Variants in PTPRM observed in about 807,000 individuals in gnomAD.
PTPRM encodes the protein protein tyrosine phosphatase receptor type M, also known as receptor-type tyrosine-protein phosphatase mu.
A neutral mutation model predicts 186.7 loss-of-function variants in PTPRM; 47 were observed. The observed-to-expected ratio is 0.25, with a 90% confidence interval of 0.20 to 0.32. The LOEUF (loss-of-function observed/expected upper bound fraction) is 0.32. PTPRM is among the 10% of genes least tolerant of loss of function. The probability of loss-of-function intolerance (pLI) is 1.00; values close to 1 mark genes in which losing one functional copy is unlikely to be tolerated. For missense variants in PTPRM, 1,494 were observed against 1,865.0 expected (o/e 0.80, Z 3.66); for synonymous variants, 668 against 674.9 (o/e 0.99, Z 0.16).
chr18:7,718,885 A>G (rs1253754208), intron 1 of PTPRM, among the ~76,000 whole-genome samples: 1 of 152,220 alleles, frequency 6.6e-6, no homozygotes, highest in Non-Finnish European at 1.5e-5. Context: ...AATTTAAAAA[A>G]TTAAAAAATA....
chr18:8,166,972 C>G (rs2093333006), intron 14 of PTPRM, among the ~76,000 whole-genome samples: 1 of 152,200 alleles, frequency 6.6e-6, no homozygotes, highest in African/African-American at 2.4e-5. Flanking sequence ...TATTATGATA[C>G]TCATATCTCT....
chr18:7,795,212 G>T (rs933436814), intron 2 of PTPRM, among the ~76,000 whole-genome samples: 28 of 152,152 alleles, frequency 1.8e-4, no homozygotes, highest in African/African-American at 6.0e-4. Context: ...CATTAGACTG[G>T]TGGCCAGTGG....
At chr18:7,906,064 G>T (rs1470384369) in intron 3 of PTPRM, among the ~76,000 whole-genome samples, 3 of 152,040 alleles carry the variant, frequency 2.0e-5, no homozygotes, top group African/African-American at 7.2e-5. Flanking sequence ...GGCTTTGGGT[G>T]GGGAATCCTT....
intron 7 of PTPRM, among the ~76,000 whole-genome samples, chr18:7,985,035 A>ATTG (rs2082831141): frequency 8.0e-6 from 1 of 124,958 alleles, no homozygotes; most frequent in South Asian, 2.4e-4. Flanking sequence ...ACATATATAA[A>ATTG]TATATACATA....
chr18:7,713,116 G>T (rs1388284379), intron 1 of PTPRM, among the ~76,000 whole-genome samples: 1 of 152,198 alleles, frequency 6.6e-6, no homozygotes, highest in Non-Finnish European at 1.5e-5. Flanking sequence ...AGGGAAGCCA[G>T]AGAGAAAGGT....
chr18:8,285,800 T>A (rs963612023), intron 19 of PTPRM, among the ~76,000 whole-genome samples: 1 of 152,158 alleles, frequency 6.6e-6, no homozygotes, highest in Non-Finnish European at 1.5e-5. Context: ...GAGACCAGCC[T>A]GGGCAACATG....
chr18:8,400,707 C>T (rs2095867973), intron 32 of PTPRM, among the ~76,000 whole-genome samples: 1 of 152,244 alleles, frequency 6.6e-6, no homozygotes, highest in South Asian at 2.1e-4. Context: ...ACAGCCGACC[C>T]TCCAGACTCA....
intron 14 of PTPRM, among the ~76,000 whole-genome samples, chr18:8,219,479 A>G (rs1001548111): frequency 6.8e-6 from 1 of 147,606 alleles, no homozygotes. Context: ...AAAAAAAAAA[A>G]CTTATTCTGA....
rs1461057681 is a variant in PTPRM, at chr18:7,888,278, G to A, written c.369G>A (p.Gly123=). The A allele has an allele frequency of 4.3e-6, 7 of 1,614,044 alleles. No individual in the cohort carries two copies. The highest frequency in any genetic ancestry group is 2.7e-5 in the African/African-American group (2 of 74,912). ...LLNVYVKVNN[G]PLGNPIWNIS... ...ATGTCTACGTGAAGGTCAATAACGG[G>A]CCACTGGGGAATCCTATCTGGAATA... The change falls in exon 3 of 33, where the codon GGG becomes GGA. Residue 123 remains glycine, a synonymous_variant. Coordinates refer to ENST00000580170, the MANE Select transcript of PTPRM (RefSeq NM_001105244.2).
intron 1 of PTPRM, among the ~76,000 whole-genome samples, chr18:7,745,074 GGTAA>G (rs2040957200): frequency 6.6e-6 from 1 of 151,994 alleles, no homozygotes; most frequent in African/African-American, 2.4e-5. Flanking sequence ...GATGACCTTG[GGTAA>G]GTTACCCAAA....
intron 17 of PTPRM, among the ~76,000 whole-genome samples, chr18:8,249,329 C>CT (rs1240871027): frequency 6.6e-6 from 1 of 152,088 alleles, no homozygotes; most frequent in African/African-American, 2.4e-5. Flanking sequence ...TAAGATAGAA[C>CT]TTTAAGAATG....
intron 5 of PTPRM, among the ~76,000 whole-genome samples, chr18:7,942,282 CA>C (rs201157673): frequency 0.13 from 12,606 of 94,040 alleles, 499 homozygotes; most frequent in Middle Eastern, 0.36. Flanking sequence ...GACTCCGTCT[CA>C]AAAAAAAAAA....
intron 4 of PTPRM, among the ~76,000 whole-genome samples, chr18:7,924,430 G>A (rs1219271549): frequency 6.6e-6 from 1 of 152,110 alleles, no homozygotes; most frequent in Non-Finnish European, 1.5e-5. Flanking sequence ...CCTATTAATT[G>A]AGTTAAATCT....
At position 7,947,249 on chromosome 18, in the gene PTPRM, T is replaced by A. The variant is rs188234200; in HGVS notation, c.664-1932T>A. Among the ~76,000 whole-genome samples, 18 of 152,300 alleles carry A rather than the reference T, an allele frequency of 1.2e-4. No individual in the cohort carries two copies. In the East Asian group the frequency reaches 3.1e-3, roughly 26 times the overall value. ...GAATTGTTATGGCTGTGTCCTTGCG[T>A]ATGCCTGTGGGTTCTCCCAGCAGCC... On this transcript the variant is annotated intron_variant, in intron 5 of 32. Transcript: ENST00000580170.
chr18:8,045,926 CAT>C (rs2087017356), intron 7 of PTPRM, among the ~76,000 whole-genome samples: 2 of 152,250 alleles, frequency 1.3e-5, no homozygotes, highest in Middle Eastern at 6.8e-3. Flanking sequence ...TCTTCAGTCG[CAT>C]ATGTCAGTAA....
intron 13 of PTPRM, among the ~76,000 whole-genome samples, chr18:8,138,710 G>A (rs772454217): frequency 2.0e-5 from 3 of 152,192 alleles, no homozygotes; most frequent in Admixed American, 6.5e-5. Context: ...GTGGTTCTGC[G>A]CGCTGGTCTC....
At chr18:7,618,799 C>G (rs749250210) in intron 1 of PTPRM, among the ~76,000 whole-genome samples, 1 of 152,146 alleles carries the variant, frequency 6.6e-6, no homozygotes, top group African/African-American at 2.4e-5. Context: ...TCTGCAGAGG[C>G]GATAGCTCTG....
chr18:7,634,558 A>G (rs776673382), intron 1 of PTPRM, among the ~76,000 whole-genome samples: 4 of 152,214 alleles, frequency 2.6e-5, no homozygotes, highest in Middle Eastern at 3.2e-3. Flanking sequence ...TGGATTGAAC[A>G]ATATTTTAGA....
At chr18:7,749,233 C>G (rs1368515888) in intron 1 of PTPRM, 1 of 152,010 alleles carries the variant, frequency 6.6e-6, no homozygotes, top group Non-Finnish European at 1.5e-5. Flanking sequence ...CAGAGTTGTT[C>G]TTCTCACCCA....
Sources: gnomAD v4.1 joint callset for allele counts (sites outside exome capture counted in the v4.1 genomes callset) on GRCh38, gnomAD v4.1.1 for gene constraint, MANE v1.5 for transcripts, NCBI Gene and HGNC (gene_info 2026-07-23, HGNC 2026-07-21) for gene names.